Variants in MBP observed in about 807,000 individuals in gnomAD.
MBP encodes the protein myelin basic protein, also known as Golli-MBP.
A neutral mutation model predicts 35.8 loss-of-function variants in MBP; 16 were observed. The ratio of observed to expected loss-of-function variants is 0.45; its 90% CI spans 0.30 to 0.68. MBP has a LOEUF of 0.68. Among genes scored for constraint, MBP ranks in the 30% least tolerant of loss-of-function variants. The pLI is 0.08. For synonymous variants in MBP, 143 were observed against 159.6 expected, an observed-to-expected ratio of 0.90 and a Z score of 0.78; for missense variants, 380 against 404.7, an observed-to-expected ratio of 0.94 and a Z score of 0.52.
At chr18:77,086,731 C>T (rs1022492434) in intron 2 of MBP, among the ~76,000 whole-genome samples, 2 of 152,172 alleles carry the variant, frequency 1.3e-5, no homozygotes, top group African/African-American at 2.4e-5. Flanking sequence ...AAGAACAAAC[C>T]ATAAAAAACC....
chr18:77,014,789 C>A (rs958448579), intron 4 of MBP: 1 of 985,176 alleles, frequency 1.0e-6, no homozygotes, highest in African/African-American at 1.7e-5. Context: ...TGTGATCACA[C>A]GTGCAAATGT....
At chr18:77,105,023 AATT>A (rs2145132920) in intron 2 of MBP, among the ~76,000 whole-genome samples, 185 bp downstream of exon 2, 1 of 146,420 alleles carries the variant, frequency 6.8e-6, no homozygotes, top group East Asian at 2.0e-4. Context: ...ATAAATTAAT[AATT>A]AATAATCAAT....
In MBP at chr18:76,990,014, T is replaced by C. The variant is rs765111199; in HGVS notation, c.623A>G (p.Gln208Arg). ...ATCTTGGGTCCGGCCGTGTGACTTCTGGGGCAGGGAGCCGTAGTGAGCAGT... is the reference window on the plus strand; with the variant it reads ...ATCTTGGGTCCGGCCGTGTGACTTCCGGGGCAGGGAGCCGTAGTGAGCAGT... Reference protein sequence around the residue: ...ARTAHYGSLPQKSHGRTQDEN... With the variant: ...ARTAHYGSLPRKSHGRTQDEN... The change falls in exon 5 of 9, where the codon CAG (glutamine) becomes CGG (arginine). Residue 208 changes from glutamine to arginine, a missense_variant. By Grantham distance (43) the Gln-to-Arg change is conservative (BLOSUM62 1). Transcript: ENST00000355994. 1.9e-6 allele frequency: 3 copies of C among 1,612,962 alleles called. No individual in the cohort carries two copies. In the East Asian group the frequency reaches 6.7e-5, roughly 36 times the overall value.
intron 3 of MBP, among the ~76,000 whole-genome samples, chr18:77,053,363 G>A (rs1481826472): frequency 6.6e-6 from 1 of 152,248 alleles, no homozygotes; most frequent in Non-Finnish European, 1.5e-5. Flanking sequence ...TCCGTCCTCA[G>A]CCCCTGCAGC....
chr18:77,068,628 G>A lies in MBP; in HGVS notation c.52-2243C>T, dbSNP rs527722. ...GTGTTCACATTTGTTGTAACTTTGT[G>A]TACACCTGCCAGGCTTCTGTTGCTG... On this transcript the variant is annotated intron_variant, in intron 2 of 8. Coordinates refer to ENST00000355994, the MANE Select transcript of MBP (RefSeq NM_001025101.2). Among the ~76,000 whole-genome samples the A allele has an allele frequency of 5.1e-3, 773 of 152,266 alleles. 10 individuals are homozygous for A. The highest frequency in any genetic ancestry group is 0.017 in the African/African-American group (726 of 41,534).
chr18:77,010,933 A>G (rs2123413102), intron 4 of MBP, among the ~76,000 whole-genome samples: 1 of 152,352 alleles, frequency 6.6e-6, no homozygotes, highest in South Asian at 2.1e-4. Flanking sequence ...TGGTCAAGAG[A>G]TGAAATCAGC....
At chr18:76,996,461 T>C (rs1346655520) in intron 4 of MBP, among the ~76,000 whole-genome samples, 3 of 152,238 alleles carry the variant, frequency 2.0e-5, no homozygotes, top group Non-Finnish European at 4.4e-5. Context: ...CACTAAAACC[T>C]TCAAACAACC....
At chr18:77,100,021 G>A (rs1178595016) in intron 2 of MBP, among the ~76,000 whole-genome samples, 3 of 152,160 alleles carry the variant, frequency 2.0e-5, no homozygotes, top group African/African-American at 7.2e-5. Flanking sequence ...CCGCTGCTGG[G>A]GTTTATCAAG....
chr18:77,011,920 C>T (rs1346134090), intron 4 of MBP, among the ~76,000 whole-genome samples: 2 of 152,106 alleles, frequency 1.3e-5, no homozygotes, highest in Admixed American at 1.3e-4. Context: ...GTGTTTTTTT[C>T]TAAGGATGAT....
chr18:77,118,752 C>G (rs1002592466), intron 1 of MBP, among the ~76,000 whole-genome samples: 4 of 151,064 alleles, frequency 2.6e-5, no homozygotes, highest in African/African-American at 9.8e-5. Context: ...ACACCACACA[C>G]ACACCACACA....
At chr18:77,033,459 C>G (rs1040254277) in intron 3 of MBP, among the ~76,000 whole-genome samples, 2 of 152,142 alleles carry the variant, frequency 1.3e-5, no homozygotes, top group Admixed American at 1.3e-4. Context: ...ACAATTGGGG[C>G]TTTTGTTGTT....
intron 1 of MBP, among the ~76,000 whole-genome samples, chr18:77,112,234 ACAAGG>A (rs1333150298): frequency 6.6e-6 from 1 of 152,020 alleles, no homozygotes; most frequent in Non-Finnish European, 1.5e-5. Context: ...GGAGCTGAGG[ACAAGG>A]CGTGGGAAGA....
chr18:77,094,521 C>A (rs1975678695), intron 2 of MBP, among the ~76,000 whole-genome samples: 1 of 152,194 alleles, frequency 6.6e-6, no homozygotes, highest in Non-Finnish European at 1.5e-5. Flanking sequence ...TAGGACTCTC[C>A]CACGTTGAGG....
intron 3 of MBP, among the ~76,000 whole-genome samples, chr18:77,053,762 C>T (rs1462431013): frequency 1.3e-5 from 2 of 152,224 alleles, no homozygotes; most frequent in African/African-American, 2.4e-5. Context: ...AGGGGTGTCC[C>T]ACCTGTCACT....
chr18:77,050,919 G>A (rs1312597814), intron 3 of MBP, among the ~76,000 whole-genome samples: 5 of 152,092 alleles, frequency 3.3e-5, no homozygotes, highest in Admixed American at 1.3e-4. Context: ...CATCCTACCC[G>A]GGGCAAATTA....
At chr18:77,013,091 A>C in intron 4 of MBP, 1 of 985,448 alleles carries the variant, frequency 1.0e-6, no homozygotes, top group Non-Finnish European at 1.2e-6. Context: ...CCGATCAATA[A>C]CTGATCAGAG....
intron 3 of MBP, 51 bp downstream of exon 3, chr18:77,066,247 G>C: frequency 1.5e-6 from 2 of 1,348,506 alleles, no homozygotes; most frequent in Non-Finnish European, 2.1e-6. Flanking sequence ...GAGAGTGCAG[G>C]TGCACGCTGT....
chr18:77,046,300 C>G (rs938083479), intron 3 of MBP, among the ~76,000 whole-genome samples: 3 of 152,204 alleles, frequency 2.0e-5, no homozygotes. Context: ...CCCGCATTAG[C>G]AAGATACCCA....
chr18:77,074,491 A>C (rs531986886), intron 2 of MBP, among the ~76,000 whole-genome samples: 31 of 152,318 alleles, frequency 2.0e-4, no homozygotes, highest in African/African-American at 7.2e-4. Flanking sequence ...CAACAGGACT[A>C]TAAGCCTGTG....
Sources: gnomAD v4.1 joint callset for allele counts (sites outside exome capture counted in the v4.1 genomes callset) on GRCh38, gnomAD v4.1.1 for gene constraint, MANE v1.5 for transcripts, NCBI Gene and HGNC (gene_info 2026-07-23, HGNC 2026-07-21) for gene names.